The following DRC8 variants were observed in gnomAD, a reference collection of about 807,000 sequenced individuals.
DRC8 encodes dynein regulatory complex protein 8.
the DRC8 span, among the ~76,000 whole-genome samples, chr1:245,053,234 T>C: frequency 6.6e-6 from 1 of 152,332 alleles, no homozygotes; most frequent in East Asian, 1.9e-4. Context: ...TTTTGTTATA[T>C]GTCCTTTTGC....
At chr1:245,090,554 A>C in the DRC8 span, among the ~76,000 whole-genome samples, 1 of 152,176 alleles carries the variant, frequency 6.6e-6, no homozygotes, top group Admixed American at 6.5e-5. Flanking sequence ...AGTTATCCCC[A>C]TTTTAGAAAG....
chr1:245,010,706 G>A, the DRC8 span, among the ~76,000 whole-genome samples: 2 of 141,002 alleles, frequency 1.4e-5, no homozygotes, highest in Non-Finnish European at 3.0e-5. Context: ...TTTTGAGACG[G>A]AGTCTCACTC....
the DRC8 span, among the ~76,000 whole-genome samples, chr1:244,975,705 A>G: frequency 6.6e-6 from 1 of 151,730 alleles, no homozygotes; most frequent in Non-Finnish European, 1.5e-5. Context: ...CTAAAAATAC[A>G]AAAAATTAGC....
At chr1:244,999,912 G>A in the DRC8 span, among the ~76,000 whole-genome samples, 1 of 152,128 alleles carries the variant, frequency 6.6e-6, no homozygotes, top group Non-Finnish European at 1.5e-5. Flanking sequence ...TCTGCCTCCC[G>A]GGTTCAAGCA....
the DRC8 span, among the ~76,000 whole-genome samples, chr1:245,027,887 A>G: frequency 9.2e-5 from 12 of 130,860 alleles, no homozygotes; most frequent in African/African-American, 3.5e-4. Flanking sequence ...TTTTTTTTTC[A>G]GGAAGTGCTC....
At chr1:245,034,606 A>C in the DRC8 span, among the ~76,000 whole-genome samples, 1 of 106,722 alleles carries the variant, frequency 9.4e-6, no homozygotes, top group Non-Finnish European at 2.1e-5. Flanking sequence ...ATCTCAAAAA[A>C]AAAAAAAAAA....
chr1:245,083,214 G>A, the DRC8 span, among the ~76,000 whole-genome samples: 1 of 152,144 alleles, frequency 6.6e-6, no homozygotes, highest in Non-Finnish European at 1.5e-5. Flanking sequence ...ATTGTGAACT[G>A]TGCGTGTTAG....
the DRC8 span, among the ~76,000 whole-genome samples, chr1:245,018,354 G>A: frequency 6.6e-6 from 1 of 152,140 alleles, no homozygotes; most frequent in Non-Finnish European, 1.5e-5. Flanking sequence ...GCAGTGGGAA[G>A]TGGTTTGAAA....
the DRC8 span, among the ~76,000 whole-genome samples, chr1:245,021,734 C>T: frequency 1.3e-5 from 2 of 152,112 alleles, no homozygotes; most frequent in Non-Finnish European, 2.9e-5. Context: ...CTGTGCCTGG[C>T]CCCATTTTAT....
the DRC8 span, among the ~76,000 whole-genome samples, chr1:245,076,927 G>A: frequency 2.1e-4 from 32 of 151,910 alleles, no homozygotes; most frequent in African/African-American, 2.7e-4. Flanking sequence ...GGGTTTCGCC[G>A]TGTTGGCCAG....
the DRC8 span, among the ~76,000 whole-genome samples, chr1:245,116,445 G>A: frequency 2.6e-5 from 4 of 152,086 alleles, no homozygotes; most frequent in African/African-American, 4.8e-5. Context: ...CTAGAAATTA[G>A]GAGGTGACAT....
chr1:245,105,492 G>A, the DRC8 span, among the ~76,000 whole-genome samples: 1 of 151,654 alleles, frequency 6.6e-6, no homozygotes, highest in East Asian at 1.9e-4. Context: ...GGTGGTGTGT[G>A]CCTGTAGTCC....
chr1:244,971,813 G>T, the DRC8 span, among the ~76,000 whole-genome samples: 2 of 152,142 alleles, frequency 1.3e-5, no homozygotes, highest in Non-Finnish European at 2.9e-5. Flanking sequence ...TGATAACAAG[G>T]ATACCGTGAT....
chr1:245,114,621 G>A, the DRC8 span, among the ~76,000 whole-genome samples: 2 of 152,180 alleles, frequency 1.3e-5, no homozygotes, highest in South Asian at 2.1e-4. Context: ...GAAATTCACC[G>A]ATGCGTGAAC....
At chr1:244,977,826 G>A in the DRC8 span, among the ~76,000 whole-genome samples, 2 of 152,074 alleles carry the variant, frequency 1.3e-5, no homozygotes, top group African/African-American at 4.8e-5. Flanking sequence ...TGAAAATATA[G>A]ATAACATTTG....
At chr1:245,047,039 T>A in the DRC8 span, among the ~76,000 whole-genome samples, 1 of 152,172 alleles carries the variant, frequency 6.6e-6, no homozygotes, top group African/African-American at 2.4e-5. Flanking sequence ...TGAAAAGCCA[T>A]CTCTCTTCCA....
the DRC8 span, among the ~76,000 whole-genome samples, chr1:245,119,635 T>C: frequency 6.7e-6 from 1 of 149,598 alleles, no homozygotes; most frequent in East Asian, 2.0e-4. Flanking sequence ...CAAGACCCTG[T>C]CTAAAAAAAA....
chr1:244,973,364 C>G, the DRC8 span, among the ~76,000 whole-genome samples: 1 of 152,108 alleles, frequency 6.6e-6, no homozygotes, highest in African/African-American at 2.4e-5. Context: ...CTCTAAGTTC[C>G]AAAAGATCTG....
chr1:245,062,412 T>C, the DRC8 span, among the ~76,000 whole-genome samples: 1 of 152,226 alleles, frequency 6.6e-6, no homozygotes, highest in Non-Finnish European at 1.5e-5. Flanking sequence ...GTGAAAAATC[T>C]TACCGACATA....
Sources: allele counts gnomAD v4.1 joint callset (sites outside exome capture counted in the v4.1 genomes callset), GRCh38; gene constraint gnomAD v4.1.1; transcripts MANE v1.5; gene names NCBI Gene and HGNC (gene_info 2026-07-23, HGNC 2026-07-21).